KMO: variants seen among roughly 807,000 people sequenced by gnomAD.
The protein encoded by KMO is kynurenine 3-hydroxylase.
KMO carries 24 observed loss-of-function variants against 57.8 expected under a neutral mutation model. That is an observed-to-expected ratio of 0.42 (90% confidence interval 0.30 to 0.58). KMO has a LOEUF of 0.58. Among genes scored for constraint, KMO ranks in the 20% least tolerant of loss-of-function variants. KMO has a pLI of 0.22. For synonymous variants in KMO, 210 were observed against 193.6 expected, an observed-to-expected ratio of 1.08 and a Z score of -0.70; for missense variants, 483 against 588.2, an observed-to-expected ratio of 0.82 and a Z score of 1.85.
rs982452231 is a variant in KMO, at chr1:241,594,948, C to T, written c.*2795C>T. 1.7e-5 allele frequency: 7 copies of T among 405,772 alleles called. No individual in the cohort carries two copies. The highest frequency in any genetic ancestry group is 3.1e-5 in the Non-Finnish European group (7 of 226,686). 25.1% of individuals were successfully genotyped at this position (405,772 alleles called of 1,614,324 possible). A position where few individuals can be genotyped will look rare whatever the true frequency, so the allele number is the denominator to read the frequency against. On this transcript the variant is annotated 3_prime_UTR_variant, in exon 15 of 15. Coordinates refer to ENST00000366559, the MANE Select transcript of KMO (RefSeq NM_003679.5). ...GTAATCCTCCAAGCTTCAATCTGCA[C>T]ACACTTTCTATGAGGGCAGGTACAA...
chr1:241,592,473 T>C lies in KMO; in HGVS notation c.*320T>C, dbSNP rs936268830. On this transcript the variant is annotated 3_prime_UTR_variant, in exon 15 of 15. Coordinates refer to ENST00000366559, the MANE Select transcript of KMO (RefSeq NM_003679.5). ...CAGGGAAGACAGTAATCATGCCTTT[T>C]CTTTAAAAGACACAATAGGACTCGC... 1.3e-5 allele frequency: 4 copies of C among 316,126 alleles called. No homozygotes were observed. Among genetic ancestry groups the C allele is most frequent in the Admixed American group, 9.4e-5 (2 of 21,200 alleles). The allele number at this position is 316,126 out of a possible 1,614,324, so 19.6% of individuals were successfully genotyped here.
Position 241,591,943 on chromosome 1 carries a change from T to A in KMO, c.1261-10T>A. ...GGACAAATGAAATGAGAGTTCTTGC[T>A]GTCTTACAGGTGATAAACAAAGGAC... is the stretch of plus-strand genomic sequence containing the variant. On this transcript the variant is annotated splice_polypyrimidine_tract_variant and intron_variant, in intron 14 of 14. Coordinates refer to ENST00000366559, the MANE Select transcript of KMO (RefSeq NM_003679.5). 6.2e-7 allele frequency: 1 copy of A among 1,608,820 alleles called. No homozygotes were observed. The highest frequency in any genetic ancestry group is 1.7e-5 in the Admixed American group (1 of 59,782).
intron 4 of KMO, among the ~76,000 whole-genome samples, chr1:241,552,399 G>A (rs536856913): frequency 1.1e-3 from 174 of 152,242 alleles, no homozygotes; most frequent in African/African-American, 4.0e-3. Flanking sequence ...TTATATCTCA[G>A]TCAAATATGG....
chr1:241,567,173 C>A (rs547999927), intron 9 of KMO, among the ~76,000 whole-genome samples: 5 of 152,254 alleles, frequency 3.3e-5, no homozygotes, highest in African/African-American at 1.2e-4. Flanking sequence ...ATGAAGGCAG[C>A]GCAATGCTAC....
chr1:241,587,672 G>C (rs1404482563), intron 11 of KMO, among the ~76,000 whole-genome samples: 1 of 151,940 alleles, frequency 6.6e-6, no homozygotes, highest in Non-Finnish European at 1.5e-5. Flanking sequence ...TCGAACTCCT[G>C]ACCTCAAGTG....
intron 12 of KMO, among the ~76,000 whole-genome samples, chr1:241,589,138 C>T (rs1351734844): frequency 6.6e-6 from 1 of 152,076 alleles, no homozygotes; most frequent in Non-Finnish European, 1.5e-5. Flanking sequence ...GAAAATACAA[C>T]TTTCAGATGT....
intron 4 of KMO, among the ~76,000 whole-genome samples, chr1:241,551,419 G>A (rs1255536595): frequency 6.6e-6 from 1 of 152,162 alleles, no homozygotes. Context: ...TCATGATGTT[G>A]TTGCCCTTCC....
chr1:241,562,047 A>T (rs1661862724), intron 6 of KMO, 120 bp from the exon 7 acceptor site: 2 of 748,634 alleles, frequency 2.7e-6, no homozygotes, highest in Admixed American at 2.8e-5. Context: ...TCCAAGTCAA[A>T]CATGTGAAAG....
intron 10 of KMO, among the ~76,000 whole-genome samples, chr1:241,585,844 G>A (rs1334139474): frequency 6.6e-6 from 1 of 151,298 alleles, no homozygotes; most frequent in African/African-American, 2.4e-5. Context: ...CTAGGAAACA[G>A]GAAACATTGT....
intron 4 of KMO, among the ~76,000 whole-genome samples, chr1:241,552,442 T>G (rs1661442556): frequency 6.6e-6 from 1 of 152,172 alleles, no homozygotes; most frequent in Admixed American, 6.5e-5. Flanking sequence ...CTGCATAAAA[T>G]TGCTTTACCT....
At position 241,540,157 on chromosome 1, in the gene KMO, G is replaced by T. The variant is rs143603045; in HGVS notation, c.54+7659G>T. ...GAAAATGTTAATATTGGTTGCCATT[G>T]GTGGTAAAATTGTGAGGAATTATTT... On this transcript the variant is annotated intron_variant, in intron 1 of 14. Coordinates refer to ENST00000366559, the MANE Select transcript of KMO (RefSeq NM_003679.5). Among the ~76,000 whole-genome samples, 1,269 of 152,120 alleles carry T rather than the reference G, an allele frequency of 8.3e-3. 8 individuals are homozygous for T. The highest frequency in any genetic ancestry group is 0.031 in the Middle Eastern group (9 of 294).
Position 241,551,167 on chromosome 1 carries a change from A to T in KMO, c.312+123A>T, listed in dbSNP as rs541415575. The T allele has an allele frequency of 1.9e-5, 12 of 635,374 alleles. No individual in the cohort carries two copies. The Admixed American group carries it at 3.7e-4, about 20-fold the overall frequency. 39.4% of individuals were successfully genotyped at this position (635,374 alleles called of 1,614,324 possible). On this transcript the variant is annotated intron_variant, in intron 4 of 14. Transcript: ENST00000366559. ...TCTGACATTGCTTGGCTCAGTCTAG[A>T]CCCCAGGAATACAGATACTAGTTGG...
intron 3 of KMO, chr1:241,550,100 G>T: frequency 4.7e-6 from 1 of 211,602 alleles, no homozygotes. Flanking sequence ...CAATTGCACA[G>T]GCCCGTAATA....
rs1051108344 is a variant in KMO, at chr1:241,565,139, A to T, written c.687+81A>T. 10 of 822,334 alleles carry T rather than the reference A, an allele frequency of 1.2e-5. No homozygotes were observed. The Admixed American group carries it at 1.5e-4, about 13-fold the overall frequency. 50.9% of individuals were successfully genotyped at this position (822,334 alleles called of 1,614,324 possible). Reference sequence around the variant, plus strand: ...TTACTTACATTTGTACTTAGAATGTATCTACCTAATTGATCTCTTCATTGT... The same window carrying T: ...TTACTTACATTTGTACTTAGAATGTTTCTACCTAATTGATCTCTTCATTGT... On this transcript the variant is annotated intron_variant, in intron 8 of 14. Coordinates refer to ENST00000366559, the MANE Select transcript of KMO (RefSeq NM_003679.5).
At chr1:241,590,335 G>A (rs1216781764) in intron 14 of KMO, 72 bp downstream of exon 14, 1 of 1,226,878 alleles carries the variant, frequency 8.2e-7, no homozygotes, top group South Asian at 1.2e-5. Context: ...GATTATGTTT[G>A]TTTCCAACAA....
At chr1:241,587,333 C>T (rs922135148) in intron 11 of KMO, among the ~76,000 whole-genome samples, 3 of 152,204 alleles carry the variant, frequency 2.0e-5, no homozygotes, top group Non-Finnish European at 4.4e-5. Flanking sequence ...TCAACTGCCA[C>T]TCACATCCTG....
intron 1 of KMO, chr1:241,536,548 T>C: frequency 1.0e-6 from 1 of 983,276 alleles, no homozygotes; most frequent in Non-Finnish European, 1.2e-6. Flanking sequence ...ATTTTTTGAC[T>C]GAAGCCAAGA....
At position 241,588,637 on chromosome 1, in the gene KMO, T is replaced by C. The variant is rs55847616; in HGVS notation, c.1016-111T>C. ...TTATACAGAATGGTTATTTATAGTT[T>C]AAAAAAATTAGCGAGAGCATTGGTA... On this transcript the variant is annotated intron_variant, in intron 11 of 14. Coordinates refer to ENST00000366559, the MANE Select transcript of KMO (RefSeq NM_003679.5). 4.8e-3 allele frequency: 3,211 copies of C among 670,146 alleles called. 14 individuals carry two copies. Among genetic ancestry groups the C allele is most frequent in the African/African-American group, 0.016 (913 of 55,532 alleles). The allele number at this position is 670,146 out of a possible 1,614,324, so 41.5% of individuals were successfully genotyped here. A position where few individuals can be genotyped will look rare whatever the true frequency, so the allele number is the denominator to read the frequency against.
rs12129301 is a variant in KMO, at chr1:241,543,526, T to C, written c.55-5303T>C. ...ATTCCACTCTGATAGTCATTCGGGCTATTCCCCGCTTTTTTGTTTGTCTAT... is the reference window on the plus strand; with the variant it reads ...ATTCCACTCTGATAGTCATTCGGGCCATTCCCCGCTTTTTTGTTTGTCTAT... On this transcript the variant is annotated intron_variant, in intron 1 of 14. Coordinates refer to ENST00000366559, the MANE Select transcript of KMO (RefSeq NM_003679.5). 6.6e-5 allele frequency among the ~76,000 whole-genome samples: 10 copies of C among 152,314 alleles called. No individual in the cohort carries two copies. The East Asian group carries it at 1.9e-3, about 29-fold the overall frequency.
Sources: gnomAD v4.1 joint callset for allele counts (sites outside exome capture counted in the v4.1 genomes callset) on GRCh38, gnomAD v4.1.1 for gene constraint, MANE v1.5 for transcripts, NCBI Gene and HGNC (gene_info 2026-07-23, HGNC 2026-07-21) for gene names.